Variants in ADGRL2 observed in about 807,000 individuals in gnomAD.
ADGRL2 encodes the protein calcium-independent alpha-latrotoxin receptor 2.
A neutral mutation model predicts 157.4 loss-of-function variants in ADGRL2; 44 were observed. The observed-to-expected ratio is 0.28, with a 90% CI of 0.22 to 0.36. The LOEUF is 0.36. Ranked by LOEUF, ADGRL2 falls within the 10% of genes least tolerant of loss-of-function variation. The pLI, the probability that ADGRL2 is intolerant of heterozygous loss-of-function variation, is 1.00. For synonymous variants in ADGRL2, 585 were observed against 624.7 expected, an observed-to-expected ratio of 0.94 and a Z score of 0.95; for missense variants, 1,510 against 1,768.9, an observed-to-expected ratio of 0.85 and a Z score of 2.63.
intron 3 of ADGRL2, among the ~76,000 whole-genome samples, chr1:81,618,507 G>GT (rs937565740): frequency 2.0e-5 from 3 of 152,138 alleles, no homozygotes; most frequent in Non-Finnish European, 2.9e-5. Context: ...TTTTATGACA[G>GT]TTTTTTTTCC....
intron 2 of ADGRL2, among the ~76,000 whole-genome samples, chr1:81,455,233 A>T (rs2077779925): frequency 6.6e-6 from 1 of 152,194 alleles, no homozygotes. Context: ...AAATTGGTAT[A>T]ACCTGGTACC....
At chr1:81,990,304 G>A (rs1664332358) in intron 23 of ADGRL2, 87 bp from the exon 24 acceptor site, 5 of 1,524,980 alleles carry the variant, frequency 3.3e-6, no homozygotes, top group Non-Finnish European at 4.4e-6. Context: ...TGTCCTGAAC[G>A]ACATTAAAAA....
At chr1:81,523,100 T>C (rs2079363313) in intron 2 of ADGRL2, among the ~76,000 whole-genome samples, 1 of 151,844 alleles carries the variant, frequency 6.6e-6, no homozygotes, top group South Asian at 2.1e-4. Flanking sequence ...ATGACGGAAG[T>C]TCAAAAACTA....
chr1:81,631,379 G>T (rs543099944), intron 3 of ADGRL2, among the ~76,000 whole-genome samples: 2 of 152,122 alleles, frequency 1.3e-5, no homozygotes, highest in South Asian at 4.2e-4. Context: ...ACCACACCCG[G>T]TTAAGTTTGG....
upstream of ADGRL2, among the ~76,000 whole-genome samples, chr1:81,699,519 G>T (rs1392946055): frequency 6.6e-6 from 1 of 152,166 alleles, no homozygotes; most frequent in Admixed American, 6.5e-5. Context: ...AGCAATGGAG[G>T]TTATGAGGGT....
chr1:81,961,927 A>G lies in ADGRL2; in HGVS notation c.2018-4131A>G, dbSNP rs533001510. The stretch of plus-strand genomic sequence containing the variant: ...GTACCAGAATTAACTGCTGATAGAC[A>G]TTTTAGTGGCTTCTGCTTTTTTCCT... On this transcript the variant is annotated intron_variant, in intron 11 of 23. Coordinates refer to ENST00000686636, the MANE Select transcript of ADGRL2 (RefSeq NM_001366006.2). Among the ~76,000 whole-genome samples, 9 of 152,272 alleles carry G rather than the reference A, an allele frequency of 5.9e-5. No homozygotes were observed. In the South Asian group the frequency reaches 1.9e-3, roughly 32 times the overall value.
chr1:81,646,944 G>T (rs1406811710), intron 3 of ADGRL2, among the ~76,000 whole-genome samples: 1 of 152,148 alleles, frequency 6.6e-6, no homozygotes, highest in East Asian at 1.9e-4. Context: ...TTAAGTGGAG[G>T]CTGTAATTAT....
intron 2 of ADGRL2, among the ~76,000 whole-genome samples, chr1:81,865,316 G>A (rs1231457274): frequency 6.6e-6 from 1 of 152,104 alleles, no homozygotes; most frequent in Non-Finnish European, 1.5e-5. Flanking sequence ...TCTCCAGTCA[G>A]ACTCCTCCTG....
intron 1 of ADGRL2, among the ~76,000 whole-genome samples, chr1:81,336,199 C>T (rs1661633806): frequency 6.6e-6 from 1 of 152,190 alleles, no homozygotes; most frequent in African/African-American, 2.4e-5. Context: ...CCTTCTTTGC[C>T]TGCACCACTC....
At chr1:81,470,845 G>T (rs1035071643) in intron 2 of ADGRL2, among the ~76,000 whole-genome samples, 6 of 152,280 alleles carry the variant, frequency 3.9e-5, no homozygotes, top group Non-Finnish European at 8.8e-5. Flanking sequence ...TTGAAAGGAA[G>T]AATACAATTA....
chr1:81,848,031 A>G (rs550525384), intron 2 of ADGRL2, among the ~76,000 whole-genome samples: 14 of 151,852 alleles, frequency 9.2e-5, no homozygotes, highest in African/African-American at 2.9e-4. Context: ...GCCTTAGGTT[A>G]TCTAGTGATT....
chr1:81,755,994 C>T (rs1008040987), intron 1 of ADGRL2, among the ~76,000 whole-genome samples: 1 of 152,142 alleles, frequency 6.6e-6, no homozygotes, highest in Admixed American at 6.6e-5. Flanking sequence ...CCCAGGTATG[C>T]ACATTCGAGT....
At chr1:81,342,435 TG>T (rs1324615575) in intron 1 of ADGRL2, among the ~76,000 whole-genome samples, 1 of 152,190 alleles carries the variant, frequency 6.6e-6, no homozygotes, top group Non-Finnish European at 1.5e-5. Flanking sequence ...TGGTCTTGTC[TG>T]AATTTGGCTG....
At position 81,323,303 on chromosome 1, in the gene ADGRL2, A is replaced by G. The variant is rs111476480; in HGVS notation, c.-302+16794A>G. 2.4e-3 allele frequency among the ~76,000 whole-genome samples: 368 copies of G among 152,088 alleles called. 1 individual carries two copies. The highest frequency in any genetic ancestry group is 8.4e-3 in the African/African-American group (348 of 41,490). The stretch of plus-strand genomic sequence containing the variant: ...GTCACCCAGGCTGGAGTGTGGTGGT[A>G]TAATCAAGGTTCATCAGCCAAAATC... On this transcript the variant is annotated intron_variant, in intron 1 of 24. Coordinates refer to the ADGRL2 transcript ENST00000370721.
At chr1:81,800,455 TAA>T (rs1267908513), upstream of ADGRL2, 1 of 151,776 alleles carries the variant, frequency 6.6e-6, no homozygotes, top group Non-Finnish European at 1.5e-5. Flanking sequence ...CTACGGAAAC[TAA>T]AAGTTTCGGG....
intron 3 of ADGRL2, among the ~76,000 whole-genome samples, chr1:81,921,181 C>T (rs1572134608): frequency 6.6e-6 from 1 of 152,102 alleles, no homozygotes; most frequent in East Asian, 1.9e-4. Flanking sequence ...GTTTCTTTTA[C>T]TTAATAATGT....
intron 2 of ADGRL2, among the ~76,000 whole-genome samples, chr1:81,847,968 G>A (rs2092855604): frequency 1.3e-5 from 2 of 151,658 alleles, no homozygotes; most frequent in Non-Finnish European, 3.0e-5. Flanking sequence ...AGTATAGGAT[G>A]GAAGTACTTG....
At chr1:81,409,194 A>G (rs968958049) in intron 1 of ADGRL2, among the ~76,000 whole-genome samples, 5 of 152,186 alleles carry the variant, frequency 3.3e-5, no homozygotes, top group African/African-American at 1.2e-4. Flanking sequence ...CTGTGTAGTG[A>G]TAATTTTCCT....
chr1:81,377,043 A>G (rs56898146), intron 1 of ADGRL2, among the ~76,000 whole-genome samples: 87,256 of 151,496 alleles, frequency 0.58, 25,916 homozygotes, highest in East Asian at 0.92. Flanking sequence ...TTTTTTTTTA[A>G]TTAGCTGGGC....
Sources: allele counts gnomAD v4.1 joint callset (sites outside exome capture counted in the v4.1 genomes callset), GRCh38; gene constraint gnomAD v4.1.1; transcripts MANE v1.5; gene names NCBI Gene and HGNC (gene_info 2026-07-23, HGNC 2026-07-21).